Variants in XKR6 observed in about 807,000 individuals in gnomAD.
XKR6 encodes XK-related protein 6.
Under a neutral mutation model 56.7 loss-of-function variants are expected in XKR6, and 22 were observed. The ratio of observed to expected loss-of-function variants is 0.39; its 90% CI spans 0.28 to 0.55. The LOEUF is 0.55. XKR6 is among the 20% of genes least tolerant of loss of function. The pLI is 0.66. For synonymous variants in XKR6, 524 were observed against 387.8 expected (o/e 1.35, Z -4.13); for missense variants, 852 against 889.0 (o/e 0.96, Z 0.53).
intron 1 of XKR6, chr8:11,063,013 T>C (rs2129164448): frequency 2.8e-6 from 1 of 358,582 alleles, no homozygotes; most frequent in African/African-American, 2.1e-5. Flanking sequence ...AATCCTCACA[T>C]GGAATGCCAG....
intron 1 of XKR6, among the ~76,000 whole-genome samples, chr8:11,061,300 A>G (rs950093414): frequency 6.6e-6 from 1 of 152,118 alleles, no homozygotes; most frequent in Non-Finnish European, 1.5e-5. Flanking sequence ...CCCCATCTCT[A>G]CAAAAAGATA....
intron 1 of XKR6, among the ~76,000 whole-genome samples, chr8:11,161,108 C>A (rs2117011502): frequency 6.6e-6 from 1 of 152,138 alleles, no homozygotes; most frequent in South Asian, 2.1e-4. Context: ...AACATCCAGT[C>A]AAATCAAAAC....
intron 1 of XKR6, among the ~76,000 whole-genome samples, chr8:10,932,992 A>G (rs1338548645): frequency 1.3e-5 from 2 of 151,262 alleles, no homozygotes; most frequent in African/African-American, 4.9e-5. Context: ...ATCCCTGAGG[A>G]ATCCCCACAC....
intron 1 of XKR6, among the ~76,000 whole-genome samples, chr8:11,184,388 TACACACACACACAC>T (rs6150466): frequency 0.31 from 44,723 of 146,134 alleles, 7,294 homozygotes; most frequent in Non-Finnish European, 0.37. Flanking sequence ...TATACACACA[TACACACACACACAC>T]ACACACACAC....
chr8:11,051,809 G>C (rs1488305352), intron 1 of XKR6, among the ~76,000 whole-genome samples: 2 of 151,690 alleles, frequency 1.3e-5, no homozygotes, highest in Admixed American at 6.6e-5. Flanking sequence ...CTTTTTTTCT[G>C]TGTTTCTTCT....
intron 1 of XKR6, among the ~76,000 whole-genome samples, chr8:11,112,185 C>G (rs896833906): frequency 6.6e-6 from 1 of 152,164 alleles, no homozygotes; most frequent in Non-Finnish European, 1.5e-5. Context: ...GGCATTAGTT[C>G]TGTCTTTATT....
intron 1 of XKR6, among the ~76,000 whole-genome samples, chr8:11,135,231 A>G: frequency 6.6e-6 from 1 of 152,030 alleles, no homozygotes; most frequent in Non-Finnish European, 1.5e-5. Flanking sequence ...GGGTTTCACC[A>G]TGTTAGCCAG....
chr8:11,143,834 G>T (rs147960989), intron 1 of XKR6, among the ~76,000 whole-genome samples: 28 of 152,258 alleles, frequency 1.8e-4, no homozygotes, highest in Admixed American at 1.0e-3. Context: ...CTGCAGACTG[G>T]GTGACTTCAA....
intron 1 of XKR6, among the ~76,000 whole-genome samples, chr8:11,024,208 T>G (rs1250988445): frequency 1.0e-3 from 56 of 54,672 alleles, no homozygotes; most frequent in East Asian, 8.2e-3. Context: ...TTAGGAGGTG[T>G]GTGTGTGTGT....
At chr8:11,116,820 T>C (rs1355428463) in intron 1 of XKR6, among the ~76,000 whole-genome samples, 1 of 152,216 alleles carries the variant, frequency 6.6e-6, no homozygotes, top group African/African-American at 2.4e-5. Flanking sequence ...CACTTGATGT[T>C]TTGTAATGCA....
chr8:11,127,310 C>A (rs968585217), intron 1 of XKR6, among the ~76,000 whole-genome samples: 2 of 152,164 alleles, frequency 1.3e-5, no homozygotes, highest in Non-Finnish European at 2.9e-5. Flanking sequence ...TGATCTTCAA[C>A]GAGTTACTTA....
At chr8:11,143,109 A>G (rs2116942649) in intron 1 of XKR6, among the ~76,000 whole-genome samples, 1 of 152,340 alleles carries the variant, frequency 6.6e-6, no homozygotes, top group Admixed American at 6.5e-5. Flanking sequence ...AGAATGACAA[A>G]GTCAAATACC....
chr8:10,966,675 AAAAT>A (rs918271275), intron 1 of XKR6, among the ~76,000 whole-genome samples: 16 of 152,156 alleles, frequency 1.1e-4, no homozygotes, highest in African/African-American at 3.4e-4. Context: ...CTCTGTCTCA[AAAAT>A]AAATAAATAA....
chr8:11,145,370 T>C (rs1008845380), intron 1 of XKR6, among the ~76,000 whole-genome samples: 3 of 152,152 alleles, frequency 2.0e-5, no homozygotes, highest in African/African-American at 7.2e-5. Context: ...AATAATTTTC[T>C]TTGCTGAAAA....
intron 1 of XKR6, among the ~76,000 whole-genome samples, chr8:11,175,732 T>C (rs1293789318): frequency 7.9e-5 from 12 of 152,196 alleles, no homozygotes; most frequent in Admixed American, 7.9e-4. Context: ...GTATATGATT[T>C]TTAAAGCCCG....
intron 1 of XKR6, among the ~76,000 whole-genome samples, chr8:11,136,419 G>A (rs1005471234): frequency 2.0e-5 from 3 of 151,712 alleles, no homozygotes; most frequent in South Asian, 2.1e-4. Flanking sequence ...CAGGAGAATC[G>A]CTTGAACCCG....
intron 1 of XKR6, among the ~76,000 whole-genome samples, chr8:11,071,196 G>C (rs1210741101): frequency 6.6e-6 from 1 of 152,158 alleles, no homozygotes; most frequent in Non-Finnish European, 1.5e-5. Context: ...CTTCCTCACG[G>C]GTGTGTGGTC....
chr8:10,985,966 A>C (rs1055397973), intron 1 of XKR6, among the ~76,000 whole-genome samples: 1 of 152,266 alleles, frequency 6.6e-6, no homozygotes, highest in African/African-American at 2.4e-5. Flanking sequence ...AAAATGAACA[A>C]GCAAGAATAT....
At chr8:11,084,612 C>T (rs1044644273) in intron 1 of XKR6, among the ~76,000 whole-genome samples, 1 of 152,180 alleles carries the variant, frequency 6.6e-6, no homozygotes, top group Non-Finnish European at 1.5e-5. Context: ...AGAGCTCCAC[C>T]CACCAGCCTG....
Sources: allele counts gnomAD v4.1 joint callset (sites outside exome capture counted in the v4.1 genomes callset), GRCh38; gene constraint gnomAD v4.1.1; transcripts MANE v1.5; gene names NCBI Gene and HGNC (gene_info 2026-07-23, HGNC 2026-07-21).